ANKRD31: variants seen among roughly 807,000 people sequenced by gnomAD.
ANKRD31 encodes the protein ankyrin repeat domain-containing protein 31.
In ANKRD31, 147 loss-of-function variants were observed where a neutral mutation model predicts 186.0. That is an observed-to-expected ratio of 0.79 (90% confidence interval 0.69 to 0.91). The LOEUF (loss-of-function observed/expected upper bound fraction) is 0.91. Among genes scored for constraint, ANKRD31 ranks in the 40% least tolerant of loss-of-function variants. The probability of loss-of-function intolerance (pLI) is 0.00; values close to 1 mark genes in which losing one functional copy is unlikely to be tolerated. For synonymous variants in ANKRD31, 673 were observed against 736.4 expected, an observed-to-expected ratio of 0.91 and a Z score of 1.39; for missense variants, 1,986 against 2,148.8, an observed-to-expected ratio of 0.92 and a Z score of 1.50.
At chr5:75,227,481 C>T (rs754018065) in intron 2 of ANKRD31, among the ~76,000 whole-genome samples, 75 of 151,926 alleles carry the variant, frequency 4.9e-4, no homozygotes, top group Non-Finnish European at 9.4e-4. Context: ...TCCCATTTAC[C>T]CTGATGTGAT....
At chr5:75,138,375 C>T (rs1750761466) in intron 16 of ANKRD31, among the ~76,000 whole-genome samples, 1 of 152,078 alleles carries the variant, frequency 6.6e-6, no homozygotes, top group Non-Finnish European at 1.5e-5. Context: ...TTTAATTAAC[C>T]TTTGAGTTTT....
intron 3 of ANKRD31, among the ~76,000 whole-genome samples, chr5:75,218,366 A>G (rs1482741466): frequency 6.6e-6 from 1 of 152,200 alleles, no homozygotes; most frequent in Non-Finnish European, 1.5e-5. Flanking sequence ...AAATTCCTGG[A>G]CGTATACATC....
intron 10 of ANKRD31, among the ~76,000 whole-genome samples, chr5:75,169,382 C>T (rs1753156172): frequency 6.6e-6 from 1 of 152,120 alleles, no homozygotes; most frequent in African/African-American, 2.4e-5. Flanking sequence ...ATCTTGACCT[C>T]TCCAAATAAA....
At chr5:75,221,206 A>C (rs1176346109) in intron 3 of ANKRD31, among the ~76,000 whole-genome samples, 1 of 151,900 alleles carries the variant, frequency 6.6e-6, no homozygotes, top group Non-Finnish European at 1.5e-5. Flanking sequence ...AAGGTTCAGA[A>C]AAAAAAAACC....
chr5:75,173,006 G>A (rs539921165), intron 10 of ANKRD31, among the ~76,000 whole-genome samples: 3 of 152,192 alleles, frequency 2.0e-5, no homozygotes, highest in East Asian at 1.9e-4. Flanking sequence ...CTGGCAAACC[G>A]AATCCAGCAG....
At chr5:75,204,103 T>C (rs554813968) in intron 5 of ANKRD31, among the ~76,000 whole-genome samples, 25 of 152,304 alleles carry the variant, frequency 1.6e-4, no homozygotes, top group African/African-American at 5.3e-4. Context: ...CATTTAAACA[T>C]TGATAACAAA....
chr5:75,128,789 C>T (rs1459316276), intron 17 of ANKRD31, among the ~76,000 whole-genome samples: 1 of 151,910 alleles, frequency 6.6e-6, no homozygotes, highest in East Asian at 1.9e-4. Context: ...ACTGGGATTA[C>T]AGGCATGAGC....
At chr5:75,156,325 GTGTA>G (rs1368004907) in intron 11 of ANKRD31, among the ~76,000 whole-genome samples, 2 of 152,144 alleles carry the variant, frequency 1.3e-5, no homozygotes, top group Admixed American at 6.5e-5. Context: ...TGAGATGTGT[GTGTA>G]TGTATGTGTG....
At chr5:75,233,345 C>T (rs1758068859) in intron 1 of ANKRD31, among the ~76,000 whole-genome samples, 1 of 152,006 alleles carries the variant, frequency 6.6e-6, no homozygotes, top group Non-Finnish European at 1.5e-5. Context: ...TAACAGGCAT[C>T]AGCTACCATG....
chr5:75,168,870 G>T, intron 11 of ANKRD31, 109 bp downstream of exon 11: 2 of 1,079,356 alleles, frequency 1.9e-6, no homozygotes, highest in Non-Finnish European at 2.5e-6. Flanking sequence ...TTCATTAGCA[G>T]AATGAAATTA....
In ANKRD31 at chr5:75,146,158, C is replaced by A; in HGVS notation, c.3253G>T (p.Ala1085Ser). Residue 1085 changes from alanine to serine, a missense_variant, in exon 14 of 26, where the codon GCT becomes TCT. Coordinates refer to ENST00000506364, the MANE Select transcript of ANKRD31 (RefSeq NM_001372053.1). The part of the protein sequence containing the change: ...IYSNEPLSIV[A>S]HSQVIETTKV... ...GTTGTTTCTATTACTTGAGAATGAG[C>A]AACTATGGATAAAGGCTCATTTGAA... 1 of 1,535,818 alleles carries A rather than the reference C, an allele frequency of 6.5e-7. No homozygotes were observed. Among genetic ancestry groups the A allele is most frequent in the Non-Finnish European group, 8.7e-7 (1 of 1,146,258 alleles).
At chr5:75,117,055 C>A (rs1748348480) in intron 18 of ANKRD31, among the ~76,000 whole-genome samples, 1 of 152,134 alleles carries the variant, frequency 6.6e-6, no homozygotes, top group Non-Finnish European at 1.5e-5. Flanking sequence ...ATGCTCTTAA[C>A]CAATATGACT....
intron 14 of ANKRD31, 76 bp from the exon 15 acceptor site, chr5:75,144,247 T>G (rs978380249): frequency 5.1e-6 from 2 of 393,610 alleles, no homozygotes; most frequent in African/African-American, 4.1e-5. Context: ...AAATTTCTAA[T>G]TTTTTAAAGT....
chr5:75,070,105 T>A (rs1386394661), intron 25 of ANKRD31, among the ~76,000 whole-genome samples: 1 of 152,196 alleles, frequency 6.6e-6, no homozygotes, highest in East Asian at 1.9e-4. Context: ...AAATCATCAC[T>A]TATAATCCAA....
Position 75,155,955 on chromosome 5 carries a change from G to T in ANKRD31, c.1708-1610C>A, listed in dbSNP as rs1172980663. 3.3e-5 allele frequency among the ~76,000 whole-genome samples: 5 copies of T among 151,728 alleles called. No homozygotes were observed. In the South Asian group the frequency reaches 1.0e-3, roughly 32 times the overall value. On this transcript the variant is annotated intron_variant, in intron 11 of 25. Transcript: ENST00000506364. ...CAGAGTCTTGCTTGTTGCCCAGGCT[G>T]GAGTGCAGTGGCATGATCTTAGCTC...
At position 75,236,669 on chromosome 5, in the gene ANKRD31, C is replaced by CT; in HGVS notation, c.17dup (p.Ala7GlyfsTer7). The CT allele has an allele frequency of 6.5e-7, 1 of 1,536,340 alleles. No homozygotes were observed. Among genetic ancestry groups the CT allele is most frequent in the Non-Finnish European group, 8.7e-7 (1 of 1,146,336 alleles). On this transcript the variant is annotated frameshift_variant, in exon 1 of 26. Transcript: ENST00000506364. LOFTEE classifies it high-confidence loss of function. ...TTTCATCACTGTCCCAGTCTGGGGC[C>CT]TGGACGCCTTCCTCCATCTTTGCCT...
intron 3 of ANKRD31, among the ~76,000 whole-genome samples, chr5:75,212,260 T>C (rs1203449685): frequency 6.6e-6 from 1 of 152,156 alleles, no homozygotes; most frequent in East Asian, 1.9e-4. Flanking sequence ...TGTCCAGTTC[T>C]AAGTTTTAAT....
chr5:75,180,481 G>C (rs1049542572), intron 10 of ANKRD31, among the ~76,000 whole-genome samples: 8 of 152,056 alleles, frequency 5.3e-5, no homozygotes, highest in African/African-American at 9.7e-5. Context: ...TGAGTTCAAA[G>C]TATACTACAA....
intron 1 of ANKRD31, among the ~76,000 whole-genome samples, chr5:75,235,058 A>G (rs1240095299): frequency 6.6e-6 from 1 of 152,004 alleles, no homozygotes; most frequent in Non-Finnish European, 1.5e-5. Flanking sequence ...CTGTTTATTG[A>G]TCTGTCACTT....
Sources: allele counts gnomAD v4.1 joint callset (sites outside exome capture counted in the v4.1 genomes callset), GRCh38; gene constraint gnomAD v4.1.1; transcripts MANE v1.5; gene names NCBI Gene and HGNC (gene_info 2026-07-23, HGNC 2026-07-21).